Variants in SMARCA5 observed in about 807,000 individuals in gnomAD.
The protein encoded by SMARCA5 is SNF2 related chromatin remodeling ATPase 5, also known as SWI/SNF-related matrix-associated actin-dependent regulator of chromatin subfamily A member 5.
SMARCA5 carries 18 observed loss-of-function variants against 140.4 expected under a neutral mutation model. That is an observed-to-expected ratio of 0.13 (90% confidence interval 0.09 to 0.19). SMARCA5 has a LOEUF of 0.19. Among genes scored for constraint, SMARCA5 ranks in the 10% least tolerant of loss-of-function variants. The pLI, the probability that SMARCA5 is intolerant of heterozygous loss-of-function variation, is 1.00. For synonymous variants in SMARCA5, 449 were observed against 419.6 expected, an observed-to-expected ratio of 1.07 and a Z score of -0.86; for missense variants, 606 against 1,276.8, an observed-to-expected ratio of 0.47 and a Z score of 8.01.
intron 11 of SMARCA5, among the ~76,000 whole-genome samples, chr4:143,538,187 A>C (rs534303449): frequency 1.4e-4 from 22 of 152,328 alleles, no homozygotes; most frequent in African/African-American, 5.3e-4. Context: ...CCTTTGATCT[A>C]GAATGGATCT....
chr4:143,521,677 A>G, intron 3 of SMARCA5, 82 bp downstream of exon 3: 1 of 1,208,506 alleles, frequency 8.3e-7, no homozygotes, highest in Non-Finnish European at 1.1e-6. Context: ...ACTATGATAA[A>G]TAACTTAAAA....
In SMARCA5 at chr4:143,554,972, GC is replaced by G; in HGVS notation, c.*1791del. 1 of 444,740 alleles carries G rather than the reference GC, an allele frequency of 2.2e-6. No individual in the cohort carries two copies. The allele number at this position is 444,740 out of a possible 1,614,324, so 27.5% of individuals were successfully genotyped here. A position where few individuals can be genotyped will look rare whatever the true frequency, so the allele number is the denominator to read the frequency against. On this transcript the variant is annotated 3_prime_UTR_variant, in exon 24 of 24. Transcript: ENST00000283131. ...TGAAAAAAAAGCATGAACCAGCTAG[GC>G]CCTGCCACCACTGTGTTTGGCCAAG...
At position 143,521,916 on chromosome 4, in the gene SMARCA5, AAG is replaced by A. The variant is rs1736969013; in HGVS notation, c.419+323_419+324del. Among the ~76,000 whole-genome samples the A allele has an allele frequency of 2.6e-5, 4 of 151,554 alleles. No individual in the cohort carries two copies. The South Asian group carries it at 6.3e-4, about 24-fold the overall frequency. Reference sequence around the variant, plus strand: ...TACAAAAAAAAAAAAAAAAAAAAAAAAGAATAAAACTGCATAACGCCTTATTT... The same window carrying A: ...TACAAAAAAAAAAAAAAAAAAAAAAAAATAAAACTGCATAACGCCTTATTT... On this transcript the variant is annotated intron_variant, in intron 3 of 23. Coordinates refer to ENST00000283131, the MANE Select transcript of SMARCA5 (RefSeq NM_003601.4).
intron 22 of SMARCA5, among the ~76,000 whole-genome samples, chr4:143,549,135 T>C (rs747527049): frequency 2.6e-5 from 4 of 152,108 alleles, no homozygotes; most frequent in African/African-American, 7.2e-5. Context: ...CAGTGCCATG[T>C]TAATTTAACT....
At chr4:143,553,082 T>G (rs750330900) in intron 23 of SMARCA5, 37 bp from the exon 24 acceptor site, 31 of 1,477,020 alleles carry the variant, frequency 2.1e-5, no homozygotes, top group Non-Finnish European at 2.8e-5. Context: ...ATGTTTATAT[T>G]AGTCTTGTGA....
chr4:143,522,006 C>T (rs1013059230), intron 3 of SMARCA5, among the ~76,000 whole-genome samples: 2 of 151,470 alleles, frequency 1.3e-5, no homozygotes, highest in Non-Finnish European at 2.9e-5. Context: ...TTAGATGTCA[C>T]GTCATTCCTC....
In SMARCA5 at chr4:143,513,913, A is replaced by C; in HGVS notation, c.-12A>C. 1.3e-6 allele frequency: 2 copies of C among 1,539,502 alleles called. No individual in the cohort carries two copies. The highest frequency in any genetic ancestry group is 1.8e-4 in the Middle Eastern group (1 of 5,696). On this transcript the variant is annotated 5_prime_UTR_variant, in exon 1 of 24. Coordinates refer to ENST00000283131, the MANE Select transcript of SMARCA5 (RefSeq NM_003601.4). The stretch of plus-strand genomic sequence containing the variant: ...GGCCTCTGGCAGCAGCGGGTGACGC[A>C]GACGGAACATCATGTCGTCCGCGGC...
intron 17 of SMARCA5, 100 bp downstream of exon 17, chr4:143,544,947 C>CT (rs11289994): frequency 0.012 from 4,490 of 360,178 alleles, 4 homozygotes; most frequent in East Asian, 0.016. Context: ...TTTTGTGTTT[C>CT]TTTTTTTTTT....
intron 11 of SMARCA5, 57 bp from the exon 12 acceptor site, chr4:143,538,533 C>T: frequency 6.7e-7 from 1 of 1,488,922 alleles, no homozygotes. Flanking sequence ...TTTTGGTTAC[C>T]CTTAAATTTT....
intron 6 of SMARCA5, among the ~76,000 whole-genome samples, chr4:143,526,688 C>T (rs1341217337): frequency 6.6e-6 from 1 of 151,894 alleles, no homozygotes; most frequent in Non-Finnish European, 1.5e-5. Context: ...AGTGAAACCC[C>T]GTTTCTACTA....
chr4:143,535,140 G>C (rs1737277083), intron 10 of SMARCA5, among the ~76,000 whole-genome samples, 176 bp downstream of exon 10: 1 of 152,204 alleles, frequency 6.6e-6, no homozygotes, highest in East Asian at 1.9e-4. Flanking sequence ...GTTATAGAAA[G>C]TTTTGAACCT....
At chr4:143,539,851 A>G (rs1737393908) in intron 13 of SMARCA5, among the ~76,000 whole-genome samples, 1 of 152,186 alleles carries the variant, frequency 6.6e-6, no homozygotes, top group African/African-American at 2.4e-5. Context: ...AGTCACTTTC[A>G]TCTTGTACTC....
At chr4:143,517,684 CT>C (rs1193662644) in intron 2 of SMARCA5, among the ~76,000 whole-genome samples, 3 of 152,144 alleles carry the variant, frequency 2.0e-5, no homozygotes, top group African/African-American at 7.2e-5. Flanking sequence ...CAGGACTGAA[CT>C]TTCTTTTATA....
At chr4:143,541,360 G>A (rs17017854) in intron 14 of SMARCA5, among the ~76,000 whole-genome samples, 1 of 151,976 alleles carries the variant, frequency 6.6e-6, no homozygotes, top group African/African-American at 2.4e-5. Flanking sequence ...GATTATGTAG[G>A]TATCTTGATT....
rs1474124165 is a variant in SMARCA5 at position 143,543,991 on chromosome 4, T to A, written c.2172+19T>A. On this transcript the variant is annotated intron_variant, in intron 16 of 23. Coordinates refer to ENST00000283131, the MANE Select transcript of SMARCA5 (RefSeq NM_003601.4). ...ACAAAAGGTAATTTAGAAATAGGTT[T>A]GGGTTACATGAAAGCTTTATTTTAC... 6.6e-7 allele frequency: 1 copy of A among 1,508,478 alleles called. No individual in the cohort carries two copies. The allele number at this position is 1,508,478 out of a possible 1,614,324, so 93.4% of individuals were successfully genotyped here.
intron 9 of SMARCA5, among the ~76,000 whole-genome samples, chr4:143,533,593 C>T (rs1463718210): frequency 2.7e-5 from 4 of 150,306 alleles, no homozygotes; most frequent in South Asian, 2.1e-4. Context: ...CTGCAAGCTC[C>T]GCCTCCCGGG....
At chr4:143,518,983 C>G (rs1451413643) in intron 2 of SMARCA5, among the ~76,000 whole-genome samples, 1 of 152,076 alleles carries the variant, frequency 6.6e-6, no homozygotes, top group Non-Finnish European at 1.5e-5. Flanking sequence ...CCTTGAAAGA[C>G]ATTTTTTCCC....
chr4:143,555,158 T>G lies in SMARCA5; in HGVS notation c.*1974T>G, dbSNP rs1737722283. The G allele has an allele frequency of 1.4e-6, 1 of 714,262 alleles. No individual in the cohort carries two copies. Among genetic ancestry groups the G allele is most frequent in the African/African-American group, 1.7e-5 (1 of 57,774 alleles). 44.2% of individuals were successfully genotyped at this position (714,262 alleles called of 1,614,324 possible). On this transcript the variant is annotated 3_prime_UTR_variant, in exon 24 of 24. Transcript: ENST00000283131. ...ACCACTACTGCTACTGGAACTGCCT[T>G]AGCCACCTTGGTATCGTGGTTTGGC...
intron 7 of SMARCA5, 68 bp downstream of exon 7, chr4:143,528,091 TTTTAAC>T (rs1431244327): frequency 3.1e-5 from 40 of 1,276,972 alleles, no homozygotes; most frequent in Middle Eastern, 2.8e-4. Flanking sequence ...TTTTTTTTTC[TTTTAAC>T]TTTAAGTTAT....
Sources: gnomAD v4.1 joint callset for allele counts (sites outside exome capture counted in the v4.1 genomes callset) on GRCh38, gnomAD v4.1.1 for gene constraint, MANE v1.5 for transcripts, NCBI Gene and HGNC (gene_info 2026-07-23, HGNC 2026-07-21) for gene names.